The following PTH2R variants were observed in gnomAD, a reference collection of about 807,000 sequenced individuals.
PTH2R encodes PTH2 receptor.
Under a neutral mutation model 60.3 loss-of-function variants are expected in PTH2R, and 59 were observed. The observed-to-expected ratio is 0.98, with a 90% CI of 0.79 to 1.22. The LOEUF (loss-of-function observed/expected upper bound fraction) is 1.22, where lower values mean the gene tolerates loss of function less well. Among genes scored for constraint, PTH2R ranks in the 50% most tolerant of loss-of-function variants. The pLI is 0.00. For synonymous variants in PTH2R, 256 were observed against 243.8 expected, an observed-to-expected ratio of 1.05 and a Z score of -0.47; for missense variants, 749 against 682.6, an observed-to-expected ratio of 1.10 and a Z score of -1.08.
rs544960490 is a variant in PTH2R, at chr2:208,380,554, C to A, written c.-259+20317C>A. 8.5e-5 allele frequency among the ~76,000 whole-genome samples: 13 copies of A among 152,248 alleles called. No individual in the cohort carries two copies. In the South Asian group the frequency reaches 2.7e-3, roughly 32 times the overall value. On this transcript the variant is annotated intron_variant, in intron 1 of 12. Transcript: ENST00000617735. The stretch of plus-strand genomic sequence containing the variant: ...CCCTTCCTATTTCAACAAAGACTTT[C>A]TCTAAGTACCCCTGGCCTCTTGCCC...
chr2:208,433,224 G>A (rs1183501441), intron 2 of PTH2R, among the ~76,000 whole-genome samples: 1 of 152,108 alleles, frequency 6.6e-6, no homozygotes, highest in Non-Finnish European at 1.5e-5. Context: ...TACTGAAAGA[G>A]AAAAAACACT....
chr2:208,463,875 C>G (rs1378429471), intron 9 of PTH2R, among the ~76,000 whole-genome samples: 1 of 152,232 alleles, frequency 6.6e-6, no homozygotes, highest in East Asian at 1.9e-4. Flanking sequence ...TAGGATGACA[C>G]CATGATTGCT....
rs1242227234 is a variant in PTH2R at position 208,366,225 on chromosome 2, T to TTC, written c.-259+5989_-259+5990insCT. Among the ~76,000 whole-genome samples the TTC allele has an allele frequency of 4.7e-4, 71 of 151,722 alleles. 1 individual carries two copies. In the South Asian group the frequency reaches 0.013, roughly 28 times the overall value. On this transcript the variant is annotated intron_variant, in intron 1 of 12. Coordinates refer to the PTH2R transcript ENST00000617735. ...ATTACCAACTCAATTTCCTTACTAG[T>TTC]TATTGGTCTATTTATATCTTCTATT...
chr2:208,402,094 T>C (rs1559209202), upstream of PTH2R, among the ~76,000 whole-genome samples: 1 of 152,192 alleles, frequency 6.6e-6, no homozygotes, highest in Non-Finnish European at 1.5e-5. Flanking sequence ...CTCCTCACTT[T>C]CCTATTTTTA....
intron 1 of PTH2R, among the ~76,000 whole-genome samples, chr2:208,386,284 G>A (rs1701000184): frequency 1.3e-5 from 2 of 152,120 alleles, no homozygotes; most frequent in African/African-American, 2.4e-5. Context: ...TGTGATGGAT[G>A]GACTTGGATG....
intron 1 of PTH2R, among the ~76,000 whole-genome samples, chr2:208,413,706 T>G (rs1247172212): frequency 6.6e-6 from 1 of 152,232 alleles, no homozygotes; most frequent in Non-Finnish European, 1.5e-5. Context: ...TTGTATTACC[T>G]AATTAGCCAC....
chr2:208,376,847 CTCTT>C (rs1237351207), intron 1 of PTH2R, among the ~76,000 whole-genome samples: 3 of 151,900 alleles, frequency 2.0e-5, no homozygotes, highest in Admixed American at 6.6e-5. Context: ...TTAAAAATGC[CTCTT>C]TCTTTTTTTT....
intron 2 of PTH2R, among the ~76,000 whole-genome samples, chr2:208,435,286 T>G (rs1241491508): frequency 6.6e-6 from 1 of 152,198 alleles, no homozygotes; most frequent in African/African-American, 2.4e-5. Context: ...GTACTTGTGG[T>G]GGCAGAATGA....
At chr2:208,416,066 C>T (rs567633097) in intron 1 of PTH2R, among the ~76,000 whole-genome samples, 48 of 152,108 alleles carry the variant, frequency 3.2e-4, no homozygotes, top group African/African-American at 1.2e-3. Flanking sequence ...ATATCAGTAA[C>T]ATTTGTTACT....
chr2:208,412,802 T>A (rs940729726), intron 1 of PTH2R, among the ~76,000 whole-genome samples: 1 of 152,228 alleles, frequency 6.6e-6, no homozygotes, highest in African/African-American at 2.4e-5. Context: ...GTGTTTTTAC[T>A]ATATACATAT....
chr2:208,464,413 G>A (rs894338266), intron 9 of PTH2R, among the ~76,000 whole-genome samples: 6 of 152,168 alleles, frequency 3.9e-5, no homozygotes, highest in African/African-American at 9.7e-5. Flanking sequence ...ACGGGCGCCC[G>A]AGGTCTCTTC....
At chr2:208,425,347 A>G (rs868825632) in intron 1 of PTH2R, among the ~76,000 whole-genome samples, 1 of 152,200 alleles carries the variant, frequency 6.6e-6, no homozygotes, top group Non-Finnish European at 1.5e-5. Flanking sequence ...GCTTTCCATA[A>G]GACACATCCT....
chr2:208,383,335 T>C (rs1700949325), intron 1 of PTH2R, among the ~76,000 whole-genome samples: 1 of 152,218 alleles, frequency 6.6e-6, no homozygotes. Flanking sequence ...CTCGTGTCTC[T>C]GCTCAAGAGC....
chr2:208,455,573 G>T (rs10207302), intron 8 of PTH2R, among the ~76,000 whole-genome samples: 1,732 of 152,280 alleles, frequency 0.011, 38 homozygotes, highest in African/African-American at 0.04. Flanking sequence ...AATTTTGCCT[G>T]TAAACATAAA....
At chr2:208,387,757 T>C (rs1034299758) in intron 1 of PTH2R, among the ~76,000 whole-genome samples, 2 of 152,224 alleles carry the variant, frequency 1.3e-5, no homozygotes, top group African/African-American at 2.4e-5. Flanking sequence ...TGATTATTCT[T>C]TGAAGTGCAG....
At chr2:208,475,454 G>A (rs1443385051) in intron 9 of PTH2R, among the ~76,000 whole-genome samples, 1 of 151,966 alleles carries the variant, frequency 6.6e-6, no homozygotes, top group Non-Finnish European at 1.5e-5. Context: ...GGGAATTAGG[G>A]TCTGGCACTC....
At chr2:208,360,137 C>T (rs747875527) in exon 1 of PTH2R, 18 of 429,646 alleles carry the variant, frequency 4.2e-5, no homozygotes, top group Non-Finnish European at 6.0e-5. Flanking sequence ...TTTTATGCTT[C>T]GAAGCAGTTT....
At chr2:208,471,645 G>A (rs775159153) in intron 9 of PTH2R, among the ~76,000 whole-genome samples, 1 of 152,270 alleles carries the variant, frequency 6.6e-6, no homozygotes, top group Non-Finnish European at 1.5e-5. Flanking sequence ...AGGCCCTCAT[G>A]GAGAACCTCT....
intron 10 of PTH2R, among the ~76,000 whole-genome samples, chr2:208,485,610 A>C (rs916271852): frequency 3.9e-5 from 6 of 152,218 alleles, no homozygotes; most frequent in African/African-American, 1.4e-4. Flanking sequence ...CAGTATTCAC[A>C]GGGCTATAAT....
Sources: gnomAD v4.1 joint callset for allele counts (sites outside exome capture counted in the v4.1 genomes callset) on GRCh38, gnomAD v4.1.1 for gene constraint, MANE v1.5 for transcripts, NCBI Gene and HGNC (gene_info 2026-07-23, HGNC 2026-07-21) for gene names.